The following LRRK2 variants were observed in gnomAD, a reference collection of about 807,000 sequenced individuals.
The protein encoded by LRRK2 is leucine rich repeat kinase 2, also known as leucine-rich repeat serine/threonine-protein kinase 2.
A neutral mutation model predicts 302.6 loss-of-function variants in LRRK2; 203 were observed. That is an observed-to-expected ratio of 0.67 (90% CI 0.60 to 0.75). The LOEUF is 0.75. Among genes scored for constraint, LRRK2 ranks in the 30% least tolerant of loss-of-function variants. The probability of loss-of-function intolerance (pLI) is 0.00; values close to 1 mark genes in which losing one functional copy is unlikely to be tolerated. For missense variants in LRRK2, 2,830 were observed against 2,951.0 expected (o/e 0.96, Z 0.95); for synonymous variants, 1,066 against 1,031.9 (o/e 1.03, Z -0.63).
At chr12:40,320,894 T>C in intron 34 of LRRK2, 140 bp from the exon 35 acceptor site, 2 of 1,053,492 alleles carry the variant, frequency 1.9e-6, no homozygotes, top group Non-Finnish European at 2.9e-6. Context: ...GTAGGAAAAA[T>C]ATGTAGTGAA....
Position 40,364,434 on chromosome 12 carries a change from A to G in LRRK2, c.7182-408A>G, listed in dbSNP as rs566060877. ...TCTGGGAAAAAATTCAGTGGTTTGT[A>G]TCGATATCTTTTACATGTGAATGAC... On this transcript the variant is annotated intron_variant, in intron 48 of 50. Coordinates refer to ENST00000298910, the MANE Select transcript of LRRK2 (RefSeq NM_198578.4). Among the ~76,000 whole-genome samples, 38 of 152,064 alleles carry G rather than the reference A, an allele frequency of 2.5e-4. No individual in the cohort carries two copies. In the South Asian group the frequency reaches 2.7e-3, roughly 11 times the overall value.
At position 40,322,038 on chromosome 12, in the gene LRRK2, G is replaced by A. The variant is rs72547979; in HGVS notation, c.5174G>A (p.Arg1725Gln). The part of the protein sequence containing the change: ...ISPYMLSGRE[R>Q]ALRPNRMYWR... Reference sequence around the variant, plus strand: ...AATTAATGGCTCCATTTTTTAGAACGAGCACTTCGCCCAAACAGAATGTAT... The same window carrying A: ...AATTAATGGCTCCATTTTTTAGAACAAGCACTTCGCCCAAACAGAATGTAT... The change falls in exon 36 of 51, where the codon CGA becomes CAA. Residue 1725 changes from arginine (R) to glutamine (Q), a missense_variant. Arg to Gln is a conservative substitution (Grantham distance 43). This residue lies in a region of LRRK2 where 2,121 missense variants were observed against 2,148.0 expected (regional missense o/e 0.99). Coordinates refer to ENST00000298910, the MANE Select transcript of LRRK2 (RefSeq NM_198578.4). 1.3e-5 allele frequency: 21 copies of A among 1,612,798 alleles called. No individual in the cohort carries two copies. Among genetic ancestry groups the A allele is most frequent in the East Asian group, 8.9e-5 (4 of 44,838 alleles).
chr12:40,277,144 A>G (rs879264706), intron 16 of LRRK2, among the ~76,000 whole-genome samples: 1 of 152,166 alleles, frequency 6.6e-6, no homozygotes, highest in Non-Finnish European at 1.5e-5. Flanking sequence ...AATATGTAAT[A>G]TTAGAGGTAA....
chr12:40,359,306 G>A lies in LRRK2; in HGVS notation c.6890G>A (p.Ser2297Asn). 1 of 1,612,790 alleles carries A rather than the reference G, an allele frequency of 6.2e-7. No individual in the cohort carries two copies. Among genetic ancestry groups the A allele is most frequent in the South Asian group, 1.1e-5 (1 of 91,036 alleles). ...AAGATACTAAATATAGGAAATGTCA[G>A]TACTCCATTGATGTGTTTGAGTGAA... ...PLKILNIGNV[S>N]TPLMCLSEST... The change falls in exon 47 of 51, where the codon AGT becomes AAT. Residue 2297 changes from serine (S) to asparagine (N), a missense_variant. Around this residue, in one of 3 missense-constraint regions of LRRK2, gnomAD observed 456 missense variants for 456.3 expected, o/e 1.00. Coordinates refer to ENST00000298910, the MANE Select transcript of LRRK2 (RefSeq NM_198578.4).
intron 13 of LRRK2, among the ~76,000 whole-genome samples, chr12:40,260,915 T>C (rs947660149): frequency 2.6e-5 from 4 of 152,214 alleles, no homozygotes; most frequent in Non-Finnish European, 4.4e-5. Flanking sequence ...CTTTGTTCTT[T>C]TAAAATGAAA....
At position 40,236,471 on chromosome 12, in the gene LRRK2, G is replaced by C. The variant is rs570586537; in HGVS notation, c.436+757G>C. Among the ~76,000 whole-genome samples, 3 of 152,276 alleles carry C rather than the reference G, an allele frequency of 2.0e-5. No individual in the cohort carries two copies. The South Asian group carries it at 6.2e-4, about 32-fold the overall frequency. On this transcript the variant is annotated intron_variant, in intron 4 of 50. Coordinates refer to ENST00000298910, the MANE Select transcript of LRRK2 (RefSeq NM_198578.4). ...TGAAAACAAAAAATCTTGAAATGAT[G>C]CAACAGTTGTGGGCATTGCTGTGCT...
At chr12:40,356,783 G>A (rs779343749) in intron 46 of LRRK2, among the ~76,000 whole-genome samples, 2 of 152,078 alleles carry the variant, frequency 1.3e-5, no homozygotes, top group Non-Finnish European at 2.9e-5. Flanking sequence ...TAGATTGAAT[G>A]TAACAATAAT....
chr12:40,362,694 G>A (rs1187956906), intron 47 of LRRK2, among the ~76,000 whole-genome samples: 1 of 152,042 alleles, frequency 6.6e-6, no homozygotes, highest in East Asian at 1.9e-4. Flanking sequence ...ATCCTCAAAG[G>A]CCAAGTAGGA....
chr12:40,293,453 A>C, intron 20 of LRRK2, 92 bp from the exon 21 acceptor site: 1 of 791,298 alleles, frequency 1.3e-6, no homozygotes. Context: ...AAATAGGTCT[A>C]ATCTTCCATG....
At chr12:40,276,369 C>T (rs1160223171) in intron 16 of LRRK2, among the ~76,000 whole-genome samples, 2 of 152,144 alleles carry the variant, frequency 1.3e-5, no homozygotes, top group African/African-American at 2.4e-5. Context: ...AGTCTCAGCT[C>T]ACATCACCCT....
At position 40,274,634 on chromosome 12, in the gene LRRK2, A is replaced by G. The variant is rs1243673049; in HGVS notation, c.1708A>G (p.Ile570Val). The G allele has an allele frequency of 1.2e-6, 2 of 1,613,936 alleles. No homozygotes were observed. The highest frequency in any genetic ancestry group is 1.7e-6 in the Non-Finnish European group (2 of 1,179,880). ...ATGTGGATTAAAAGTAATTTCTTCT[A>G]TTGTACATTTTCCTGATGCATTAGA... Reference protein sequence around the residue: ...QKCGLKVISSIVHFPDALEML... With the variant: ...QKCGLKVISSVVHFPDALEML... The change falls in exon 15 of 51, where the codon ATT (isoleucine) becomes GTT (valine). Residue 570 changes from isoleucine to valine, a missense_variant. Transcript: ENST00000298910.
rs1281140732 is a variant in LRRK2 at position 40,365,068 on chromosome 12, A to T, written c.7390+18A>T. The stretch of plus-strand genomic sequence containing the variant: ...ACAGCTAGGCAAGTTTCTTTCCTTT[A>T]GATATTTTTCATATTCTCTAAGTCT... On this transcript the variant is annotated intron_variant, in intron 49 of 50. Coordinates refer to ENST00000298910, the MANE Select transcript of LRRK2 (RefSeq NM_198578.4). The T allele has an allele frequency of 6.2e-7, 1 of 1,601,636 alleles. No homozygotes were observed. The highest frequency in any genetic ancestry group is 8.5e-7 in the Non-Finnish European group (1 of 1,169,796).
rs1946465844 is a variant in LRRK2 at position 40,354,508 on chromosome 12, T to C, written c.6770+16T>C. 2.5e-6 allele frequency: 4 copies of C among 1,606,384 alleles called. No homozygotes were observed. The South Asian group carries it at 4.4e-5, about 18-fold the overall frequency. ...CCAAGCAAAGGTATGGTAGTGAATTTGATCAATGGGGAAATTACAGATCTT... is the reference window on the plus strand; with the variant it reads ...CCAAGCAAAGGTATGGTAGTGAATTCGATCAATGGGGAAATTACAGATCTT... On this transcript the variant is annotated intron_variant, in intron 45 of 50. Coordinates refer to ENST00000298910, the MANE Select transcript of LRRK2 (RefSeq NM_198578.4).
chr12:40,327,907 G>A (rs1450851556), intron 38 of LRRK2, among the ~76,000 whole-genome samples: 1 of 152,106 alleles, frequency 6.6e-6, no homozygotes, highest in Non-Finnish European at 1.5e-5. Flanking sequence ...TTTTTGTCTT[G>A]TTATCATCAG....
At chr12:40,279,472 A>G (rs907870342) in intron 18 of LRRK2, among the ~76,000 whole-genome samples, 11 of 152,294 alleles carry the variant, frequency 7.2e-5, no homozygotes, top group Middle Eastern at 3.4e-3. Context: ...CCGCTTTACT[A>G]AAGATAATTA....
intron 25 of LRRK2, among the ~76,000 whole-genome samples, chr12:40,301,844 T>G (rs1437316178): frequency 1.3e-5 from 2 of 152,158 alleles, no homozygotes; most frequent in Non-Finnish European, 2.9e-5. Context: ...CACAGAATTT[T>G]ATTTCTTGGA....
chr12:40,353,711 C>T (rs1409567821), intron 44 of LRRK2, among the ~76,000 whole-genome samples: 1 of 152,216 alleles, frequency 6.6e-6, no homozygotes, highest in Admixed American at 6.5e-5. Flanking sequence ...ACTGAGTGAA[C>T]GAGACTCCGT....
At chr12:40,251,839 C>G (rs1355327388) in intron 10 of LRRK2, among the ~76,000 whole-genome samples, 1 of 152,046 alleles carries the variant, frequency 6.6e-6, no homozygotes, top group African/African-American at 2.4e-5. Context: ...TTTTAAAATG[C>G]CATATTAATT....
intron 39 of LRRK2, 55 bp from the exon 40 acceptor site, chr12:40,334,912 T>TA: frequency 1.3e-6 from 2 of 1,581,616 alleles, no homozygotes; most frequent in African/African-American, 1.3e-5. Flanking sequence ...AAGAAGGAGA[T>TA]ACGTGGGTAA....
Sources: allele counts gnomAD v4.1 joint callset (sites outside exome capture counted in the v4.1 genomes callset), GRCh38; gene constraint gnomAD v4.1.1; regional missense constraint gnomAD v4.1.1; transcripts MANE v1.5; gene names NCBI Gene and HGNC (gene_info 2026-07-23, HGNC 2026-07-21).